CHD8: variants seen among roughly 807,000 people sequenced by gnomAD.
The protein encoded by CHD8 is ATP-dependent chromatin remodeler CHD8.
Under a neutral mutation model 279.2 loss-of-function variants are expected in CHD8, and 31 were observed. The ratio of observed to expected loss-of-function variants is 0.11; its 90% confidence interval spans 0.08 to 0.15. CHD8 has a LOEUF of 0.15. Ranked by LOEUF, CHD8 falls within the 10% of genes least tolerant of loss-of-function variation. CHD8 has a pLI of 1.00. For missense variants in CHD8, 2,146 were observed against 3,230.5 expected, an observed-to-expected ratio of 0.66 and a Z score of 8.14; for synonymous variants, 1,081 against 1,139.6, an observed-to-expected ratio of 0.95 and a Z score of 1.04.
chr14:21,397,354 C>A (rs1250142395), intron 27 of CHD8: 2 of 518,900 alleles, frequency 3.9e-6, no homozygotes, highest in Non-Finnish European at 7.7e-6. Context: ...CAGGGCAACA[C>A]TGCCCTACCT....
At chr14:21,409,709 A>T (rs984339566) in intron 11 of CHD8, 142 bp downstream of exon 11, 6 of 661,174 alleles carry the variant, frequency 9.1e-6, no homozygotes, top group Non-Finnish European at 1.5e-5. Flanking sequence ...TACGTGGGTG[A>T]TGGGTACATT....
chr14:21,429,139 G>A lies in CHD8; in HGVS notation c.1040C>T (p.Pro347Leu), dbSNP rs2139534630. 6.2e-7 allele frequency: 1 copy of A among 1,613,958 alleles called. No individual in the cohort carries two copies. The highest frequency in any genetic ancestry group is 1.1e-5 in the South Asian group (1 of 91,076). ...TGGTACAATCTGGATTTTTTGCTGT[G>A]GCTGCTGCACCTGCAGCTGGATAGT... ...VVTIQLQVQQ[P>L]QQKIQIVPQP... is the part of the protein sequence containing the mutation. The change falls in exon 3 of 38, where the codon CCA (proline) becomes CTA (leucine). Residue 347 changes from proline (P) to leucine (L), a missense_variant. Coordinates refer to ENST00000646647, the MANE Select transcript of CHD8 (RefSeq NM_001170629.2).
At chr14:21,420,437 C>T (rs985616441) in intron 5 of CHD8, among the ~76,000 whole-genome samples, 1 of 152,060 alleles carries the variant, frequency 6.6e-6, no homozygotes, top group Admixed American at 6.5e-5. Context: ...GAAGTAAGGA[C>T]AGTGGGAAGT....
At chr14:21,446,332 T>TC (rs1327077305) in intron 1 of CHD8, among the ~76,000 whole-genome samples, 2 of 150,844 alleles carry the variant, frequency 1.3e-5, no homozygotes, top group Non-Finnish European at 3.0e-5. Context: ...TTTTTTTTTT[T>TC]TGAGACAGGG....
In CHD8 at chr14:21,412,894, C is replaced by T. The variant is rs770020113; in HGVS notation, c.2226+19G>A. 9 of 1,488,714 alleles carry T rather than the reference C, an allele frequency of 6.0e-6. No individual in the cohort carries two copies. The highest frequency in any genetic ancestry group is 8.4e-6 in the Non-Finnish European group (9 of 1,066,702). 92.2% of individuals were successfully genotyped at this position (1,488,714 alleles called of 1,614,324 possible). A position where few individuals can be genotyped will look rare whatever the true frequency, so the allele number is the denominator to read the frequency against. ...AATCTAAGAGGATGTTCACGTTACT[C>T]CATGCCTCAACAACTCACCTCCCCA... On this transcript the variant is annotated intron_variant, in intron 10 of 37. Coordinates refer to ENST00000646647, the MANE Select transcript of CHD8 (RefSeq NM_001170629.2).
chr14:21,428,273 T>C lies in CHD8; in HGVS notation c.1216-19A>G. On this transcript the variant is annotated intron_variant, in intron 3 of 37. Coordinates refer to ENST00000646647, the MANE Select transcript of CHD8 (RefSeq NM_001170629.2). ...AGCCAGCCTATAGAAACAAAGATAC[T>C]ACAATTTCAACTTGCTTGTAGTTAA... 1.2e-6 allele frequency: 2 copies of C among 1,605,716 alleles called. No individual in the cohort carries two copies. Among genetic ancestry groups the C allele is most frequent in the Non-Finnish European group, 1.7e-6 (2 of 1,175,474 alleles).
At position 21,403,395 on chromosome 14, in the gene CHD8, A is replaced by G; in HGVS notation, c.3518+58T>C. The G allele has an allele frequency of 7.1e-7, 1 of 1,416,620 alleles. No individual in the cohort carries two copies. The highest frequency in any genetic ancestry group is 1.2e-5 in the South Asian group (1 of 82,250). The allele number at this position is 1,416,620 out of a possible 1,614,324, so 87.8% of individuals were successfully genotyped here. ...ACTCTAATTAAATCCAGGCCCTCCT[A>G]CTTTTTGCTGCTTTATGAGGACAGA... On this transcript the variant is annotated intron_variant, in intron 17 of 37. Transcript: ENST00000646647. The surrounding 1 kb of genome is among the most constrained non-coding windows in gnomAD (Gnocchi z 4.3).
At chr14:21,411,800 C>T (rs1888503916) in intron 10 of CHD8, among the ~76,000 whole-genome samples, 2 of 152,314 alleles carry the variant, frequency 1.3e-5, no homozygotes, top group East Asian at 1.9e-4. Flanking sequence ...AGGCGGCTCA[C>T]GCCCGTAATC....
At position 21,430,859 on chromosome 14, in the gene CHD8, G is replaced by A; in HGVS notation, c.785C>T (p.Pro262Leu). Residue 262 changes from proline (P) to leucine (L), a missense_variant, in exon 2 of 38, where the codon CCT becomes CTT. Transcript: ENST00000646647. ...PVKGSAPAGN[P>L]GATGPPLKPA... ...CTTCAGTGGGGGCCCTGTGGCCCCA[G>A]GGTTTCCAGCAGGAGCTGAACCCTT... The A allele has an allele frequency of 6.3e-7, 1 of 1,599,400 alleles. No homozygotes were observed.
Position 21,426,113 on chromosome 14 carries a change from T to C in CHD8, c.1716+15A>G, listed in dbSNP as rs754478080. ...ACATGGTTTTTTCTACTAAATTCTT[T>C]TGGGATCCTTTTACCTGAATGCTGC... is the stretch of plus-strand genomic sequence containing the variant. On this transcript the variant is annotated intron_variant, in intron 5 of 37. Transcript: ENST00000646647. The C allele has an allele frequency of 1.4e-6, 2 of 1,469,832 alleles. No individual in the cohort carries two copies. The highest frequency in any genetic ancestry group is 2.8e-5 in the African/African-American group (2 of 71,654). The allele number at this position is 1,469,832 out of a possible 1,614,324, so 91.0% of individuals were successfully genotyped here.
chr14:21,415,037 A>G, intron 7 of CHD8, 44 bp from the exon 8 acceptor site: 1 of 1,347,190 alleles, frequency 7.4e-7, no homozygotes, highest in Non-Finnish European at 1.0e-6. Flanking sequence ...CTTATTTGTA[A>G]AAGAATGAAC....
Position 21,415,905 on chromosome 14 carries a change from C to CT in CHD8, c.1718dup (p.Arg574GlufsTer8). 1 of 1,611,552 alleles carries CT rather than the reference C, an allele frequency of 6.2e-7. No individual in the cohort carries two copies. The highest frequency in any genetic ancestry group is 8.5e-7 in the Non-Finnish European group (1 of 1,179,164). ...GCTTAACTTGGCGGTTTGAGCGTCT[C>CT]TTCTGTAGAGCAAAAAGTAGTTAGA... On this transcript the variant is annotated frameshift_variant and splice_region_variant, in exon 6 of 38. Transcript: ENST00000646647. LOFTEE classifies it high-confidence loss of function.
At chr14:21,418,631 C>T (rs566326990) in intron 5 of CHD8, among the ~76,000 whole-genome samples, 25 of 152,152 alleles carry the variant, frequency 1.6e-4, no homozygotes, top group African/African-American at 5.8e-4. Flanking sequence ...CTGGCTAACA[C>T]GGTGAAACCC....
chr14:21,387,193 T>C (rs1478087880), intron 37 of CHD8, among the ~76,000 whole-genome samples: 4 of 152,062 alleles, frequency 2.6e-5, no homozygotes, highest in African/African-American at 9.7e-5. Flanking sequence ...AATTCTATAT[T>C]AAGAATTCTG....
At chr14:21,425,694 G>C (rs1011387540) in intron 5 of CHD8, 5 of 155,396 alleles carry the variant, frequency 3.2e-5, no homozygotes, top group African/African-American at 1.2e-4. Context: ...TGACCAGTGG[G>C]AGGCCAAGGC....
At position 21,392,685 on chromosome 14, in the gene CHD8, A is replaced by C; in HGVS notation, c.6593T>G (p.Leu2198Arg). 6.2e-7 allele frequency: 1 copy of C among 1,614,022 alleles called. No individual in the cohort carries two copies. Among genetic ancestry groups the C allele is most frequent in the Non-Finnish European group, 8.5e-7 (1 of 1,179,896 alleles). ...GGILGPGNHLLDSPSLTPGEY... is the reference protein window; with the variant it reads ...GGILGPGNHLRDSPSLTPGEY... Reference sequence around the variant, plus strand: ...TCCAGGAGTCAATGAGGGACTGTCTAGCAAGTGGTTGCCTGGCCCCAAAAT... The same window carrying C: ...TCCAGGAGTCAATGAGGGACTGTCTCGCAAGTGGTTGCCTGGCCCCAAAAT... The change falls in exon 34 of 38, where the codon CTA becomes CGA. Residue 2198 changes from leucine (L) to arginine (R), a missense_variant. Physicochemically the swap from Leu to Arg is moderately radical, Grantham distance 102 (BLOSUM62 -2). This residue lies in a region of CHD8 where 513 missense variants were observed against 637.6 expected (regional missense o/e 0.80). Coordinates refer to ENST00000646647, the MANE Select transcript of CHD8 (RefSeq NM_001170629.2).
At chr14:21,447,280 A>G (rs913957495) in intron 1 of CHD8, among the ~76,000 whole-genome samples, 4 of 152,186 alleles carry the variant, frequency 2.6e-5, no homozygotes, top group African/African-American at 9.6e-5. Context: ...GACAGTAATG[A>G]AATGTTAGTT....
At position 21,403,257 on chromosome 14, in the gene CHD8, G is replaced by T; in HGVS notation, c.3519-45C>A. 1 of 1,578,156 alleles carries T rather than the reference G, an allele frequency of 6.3e-7. No individual in the cohort carries two copies. Among genetic ancestry groups the T allele is most frequent in the Non-Finnish European group, 8.7e-7 (1 of 1,153,590 alleles). The stretch of plus-strand genomic sequence containing the variant: ...AAAAAATGTAAGTGGCTAAGCAGAA[G>T]TGGAGACCAAAACAGCAGGCTAGGA... On this transcript the variant is annotated intron_variant, in intron 17 of 37. Transcript: ENST00000646647. This position sits in a 1 kb window ranked among gnomAD's most constrained non-coding sequence, Gnocchi z 4.3.
chr14:21,392,345 A>C (rs1438875752), intron 34 of CHD8, 162 bp downstream of exon 34: 8 of 800,666 alleles, frequency 1.0e-5, no homozygotes, highest in African/African-American at 5.2e-5. Flanking sequence ...TAAGGAAAAC[A>C]ACCAGGAAAA....
Sources: gnomAD v4.1 joint callset for allele counts (sites outside exome capture counted in the v4.1 genomes callset) on GRCh38, gnomAD v4.1.1 for gene constraint, gnomAD v4.1.1 regional missense constraint, Gnocchi (gnomAD v3.1) non-coding constraint, MANE v1.5 for transcripts, NCBI Gene and HGNC (gene_info 2026-07-23, HGNC 2026-07-21) for gene names.